LRMDA: variants seen among roughly 807,000 people sequenced by gnomAD.
LRMDA encodes the protein leucine-rich melanocyte differentiation-associated protein.
A neutral mutation model predicts 29.8 loss-of-function variants in LRMDA; 18 were observed. The ratio of observed to expected loss-of-function variants is 0.60; its 90% CI spans 0.42 to 0.90. The LOEUF is 0.90. LRMDA is among the 40% of genes least tolerant of loss of function. The pLI, the probability that LRMDA is intolerant of heterozygous loss-of-function variation, is 0.00. For missense variants in LRMDA, 273 were observed against 273.9 expected, an observed-to-expected ratio of 1.00 and a Z score of 0.02; for synonymous variants, 125 against 109.4, an observed-to-expected ratio of 1.14 and a Z score of -0.89.
intron 6 of LRMDA, among the ~76,000 whole-genome samples, chr10:76,375,142 G>A (rs1841500939): frequency 6.6e-6 from 1 of 152,082 alleles, no homozygotes; most frequent in Non-Finnish European, 1.5e-5. Flanking sequence ...AATGGGATTT[G>A]CTTACCTGTG....
chr10:75,591,032 G>A (rs897467183), intron 2 of LRMDA, among the ~76,000 whole-genome samples: 1 of 151,978 alleles, frequency 6.6e-6, no homozygotes. Context: ...ATGAGCCACC[G>A]CGCCAGGTCA....
chr10:76,124,765 C>T (rs953800623), intron 5 of LRMDA, among the ~76,000 whole-genome samples: 5 of 152,234 alleles, frequency 3.3e-5, no homozygotes, highest in South Asian at 2.1e-4. Flanking sequence ...GAGAAGGACT[C>T]GCTTTTGGGG....
At chr10:76,316,799 G>A (rs1840705456) in intron 5 of LRMDA, among the ~76,000 whole-genome samples, 1 of 152,206 alleles carries the variant, frequency 6.6e-6, no homozygotes, top group South Asian at 2.1e-4. Flanking sequence ...TTAATTAGCA[G>A]CAAACTATTA....
rs534397961 is a variant in LRMDA, at chr10:75,988,178, A to C, written c.132-47830A>C. 5.9e-5 allele frequency among the ~76,000 whole-genome samples: 9 copies of C among 152,244 alleles called. No individual in the cohort carries two copies. The South Asian group carries it at 1.9e-3, about 32-fold the overall frequency. ...TATGGTTGCTCCCCGCTTTAAAAAC[A>C]AAATTTTGTTTTCATTTTTAATAAA... On this transcript the variant is annotated intron_variant, in intron 2 of 6. Coordinates refer to ENST00000611255, the MANE Select transcript of LRMDA (RefSeq NM_001305581.2).
At chr10:76,240,109 A>T (rs1852243288) in intron 5 of LRMDA, among the ~76,000 whole-genome samples, 1 of 151,886 alleles carries the variant, frequency 6.6e-6, no homozygotes, top group Non-Finnish European at 1.5e-5. Context: ...AAAAAGATAT[A>T]CAAATGGCCA....
intron 2 of LRMDA, among the ~76,000 whole-genome samples, chr10:75,732,297 A>G (rs938575432): frequency 6.6e-6 from 1 of 152,216 alleles, no homozygotes; most frequent in East Asian, 1.9e-4. Flanking sequence ...GGAAGCATCA[A>G]TTGATGCGGA....
chr10:75,743,942 A>G (rs983205034), intron 2 of LRMDA, among the ~76,000 whole-genome samples: 5 of 152,202 alleles, frequency 3.3e-5, no homozygotes, highest in African/African-American at 1.2e-4. Context: ...TTTGGGTCCA[A>G]GTTTCACAGA....
chr10:76,250,933 A>G (rs1251073701), intron 5 of LRMDA, among the ~76,000 whole-genome samples: 2 of 152,142 alleles, frequency 1.3e-5, no homozygotes, highest in Non-Finnish European at 2.9e-5. Flanking sequence ...TTTACTGTGC[A>G]TATTTAGTCT....
intron 6 of LRMDA, among the ~76,000 whole-genome samples, chr10:76,485,671 A>G (rs1842776185): frequency 6.6e-6 from 1 of 151,846 alleles, no homozygotes; most frequent in African/African-American, 2.4e-5. Context: ...AATTATTTTA[A>G]CATTTCTCAT....
At chr10:76,484,905 A>G (rs1273327693) in intron 6 of LRMDA, among the ~76,000 whole-genome samples, 1 of 151,624 alleles carries the variant, frequency 6.6e-6, no homozygotes. Flanking sequence ...GTCCCTCTTT[A>G]TCTCCGATAA....
intron 5 of LRMDA, among the ~76,000 whole-genome samples, chr10:76,320,172 G>A (rs1036013939): frequency 2.0e-5 from 3 of 152,184 alleles, no homozygotes; most frequent in African/African-American, 7.2e-5. Context: ...TTCCAAGCGG[G>A]TTGCCAAAGT....
At chr10:76,072,192 G>A (rs908987307) in intron 5 of LRMDA, among the ~76,000 whole-genome samples, 1 of 152,210 alleles carries the variant, frequency 6.6e-6, no homozygotes, top group African/African-American at 2.4e-5. Context: ...CACAAGAGCA[G>A]TTCAAGCTGA....
intron 2 of LRMDA, among the ~76,000 whole-genome samples, chr10:75,637,586 C>G (rs1361360628): frequency 6.6e-6 from 1 of 152,208 alleles, no homozygotes; most frequent in Non-Finnish European, 1.5e-5. Context: ...TCTCGGAAAG[C>G]TGCACCAAGA....
chr10:76,267,215 T>C (rs1056064287), intron 5 of LRMDA, among the ~76,000 whole-genome samples: 3 of 152,178 alleles, frequency 2.0e-5, no homozygotes, highest in Non-Finnish European at 4.4e-5. Flanking sequence ...TTGTTTTTTT[T>C]AAACAGCTAT....
intron 3 of LRMDA, 36 bp from the exon 4 acceptor site, chr10:76,047,128 T>G: frequency 6.2e-7 from 1 of 1,612,776 alleles, no homozygotes; most frequent in Non-Finnish European, 8.5e-7. Flanking sequence ...GCTAAGCCTT[T>G]TGTCTTACTG....
At chr10:76,145,507 G>GT (rs1480084931) in intron 5 of LRMDA, among the ~76,000 whole-genome samples, 2 of 152,118 alleles carry the variant, frequency 1.3e-5, no homozygotes, top group African/African-American at 4.8e-5. Context: ...TCTGATAGTA[G>GT]TTTGTATTTC....
At chr10:75,852,336 TTTTGGTAAAAGG>T (rs1288817953) in intron 2 of LRMDA, among the ~76,000 whole-genome samples, 5 of 152,174 alleles carry the variant, frequency 3.3e-5, no homozygotes, top group African/African-American at 1.2e-4. Flanking sequence ...GACACATAAT[TTTTGGTAAAAGG>T]TGGGTGGGAA....
intron 3 of LRMDA, among the ~76,000 whole-genome samples, chr10:76,040,979 T>C (rs1295721644): frequency 6.6e-6 from 1 of 152,204 alleles, no homozygotes; most frequent in Non-Finnish European, 1.5e-5. Context: ...GGAGTTCCCA[T>C]AGCCATTTGC....
intron 5 of LRMDA, among the ~76,000 whole-genome samples, chr10:76,155,205 G>A (rs1452036589): frequency 1.3e-5 from 2 of 152,078 alleles, no homozygotes; most frequent in African/African-American, 4.8e-5. Flanking sequence ...AAGATCACCA[G>A]ATCCAAGCCT....
Sources: gnomAD v4.1 joint callset for allele counts (sites outside exome capture counted in the v4.1 genomes callset) on GRCh38, gnomAD v4.1.1 for gene constraint, MANE v1.5 for transcripts, NCBI Gene and HGNC (gene_info 2026-07-23, HGNC 2026-07-21) for gene names.